The following CCR3 variants were observed in gnomAD, a reference collection of about 807,000 sequenced individuals.
CCR3 encodes C-C chemokine receptor type 3.
For synonymous variants in CCR3, 203 were observed against 179.2 expected, an observed-to-expected ratio of 1.13 and a Z score of -1.06; for missense variants, 419 against 437.5, an observed-to-expected ratio of 0.96 and a Z score of 0.38.
intron 1 of CCR3, among the ~76,000 whole-genome samples, chr3:46,244,555 C>T (rs113676185): frequency 0.096 from 14,555 of 151,962 alleles, 953 homozygotes; most frequent in Non-Finnish European, 0.14. Context: ...TGTTCTCTGG[C>T]GGGCAGGAGT....
intron 2 of CCR3, among the ~76,000 whole-genome samples, chr3:46,216,694 T>A (rs1699779227): frequency 6.6e-6 from 1 of 152,100 alleles, no homozygotes; most frequent in Admixed American, 6.5e-5. Context: ...GATGTTGGGG[T>A]CCTATCTTTT....
At chr3:46,243,002 TACGCACACAC>T (rs1700121398) in intron 1 of CCR3, among the ~76,000 whole-genome samples, 2 of 123,726 alleles carry the variant, frequency 1.6e-5, no homozygotes, top group African/African-American at 6.5e-5. Context: ...TATATATATA[TACGCACACAC>T]ACATACATTT....
At chr3:46,252,001 A>G (rs935314053) in intron 1 of CCR3, among the ~76,000 whole-genome samples, 2 of 152,088 alleles carry the variant, frequency 1.3e-5, no homozygotes, top group Admixed American at 6.6e-5. Flanking sequence ...ACTTCAGGAC[A>G]TCTGGGCATA....
chr3:46,228,949 A>G (rs368315266), intron 2 of CCR3, among the ~76,000 whole-genome samples: 3 of 152,326 alleles, frequency 2.0e-5, no homozygotes, highest in East Asian at 3.9e-4. Flanking sequence ...TATTATCAAA[A>G]ATGATAATGT....
At chr3:46,220,427 A>G (rs903062947) in intron 2 of CCR3, among the ~76,000 whole-genome samples, 4 of 152,224 alleles carry the variant, frequency 2.6e-5, no homozygotes, top group African/African-American at 9.6e-5. Flanking sequence ...TACAACCACT[A>G]TAGAAAACAG....
upstream of CCR3, among the ~76,000 whole-genome samples, chr3:46,238,201 T>C (rs1410581358): frequency 1.3e-5 from 2 of 152,228 alleles, no homozygotes; most frequent in Non-Finnish European, 1.5e-5. Flanking sequence ...CCACTAGCTC[T>C]GTATGAGAGT....
At chr3:46,241,790 T>C (rs146847663), upstream of CCR3, among the ~76,000 whole-genome samples, 3 of 152,234 alleles carry the variant, frequency 2.0e-5, no homozygotes, top group African/African-American at 7.2e-5. Flanking sequence ...TGCAGAATAA[T>C]TAGTTTATTC....
chr3:46,252,127 GC>G, intron 1 of CCR3, among the ~76,000 whole-genome samples: 1 of 149,618 alleles, frequency 6.7e-6, no homozygotes, highest in South Asian at 2.1e-4. Context: ...AATTGCAGTA[GC>G]CACATTTCAA....
intron 2 of CCR3, among the ~76,000 whole-genome samples, chr3:46,236,126 A>G (rs762081621): frequency 1.3e-5 from 2 of 152,184 alleles, no homozygotes; most frequent in Non-Finnish European, 2.9e-5. Flanking sequence ...CTGTGTGCCC[A>G]TGGCTCTGAC....
intron 1 of CCR3, among the ~76,000 whole-genome samples, chr3:46,246,750 A>G (rs938318790): frequency 4.6e-5 from 7 of 152,132 alleles, no homozygotes; most frequent in African/African-American, 1.7e-4. Context: ...TATTAATAAG[A>G]AAAATAAAAC....
intron 2 of CCR3, among the ~76,000 whole-genome samples, chr3:46,215,170 A>T (rs1007124367): frequency 6.6e-6 from 1 of 152,088 alleles, no homozygotes; most frequent in African/African-American, 2.4e-5. Context: ...CACTTATTAC[A>T]TCCAGTCTGA....
At chr3:46,249,908 G>A (rs1423820378) in intron 1 of CCR3, among the ~76,000 whole-genome samples, 2 of 152,084 alleles carry the variant, frequency 1.3e-5, no homozygotes, top group Non-Finnish European at 2.9e-5. Flanking sequence ...TTGAAGGTGA[G>A]GTTAATTAAG....
intron 1 of CCR3, among the ~76,000 whole-genome samples, chr3:46,246,898 G>A (rs946735671): frequency 4.6e-5 from 7 of 151,994 alleles, no homozygotes; most frequent in East Asian, 1.9e-4. Context: ...TTAAGCTGAA[G>A]GGAGGTCTTG....
At chr3:46,241,745 C>A (rs929285123), upstream of CCR3, among the ~76,000 whole-genome samples, 2 of 152,164 alleles carry the variant, frequency 1.3e-5, no homozygotes, top group Admixed American at 6.5e-5. Flanking sequence ...ACCTTTGCAG[C>A]CACATTTTGC....
intron 1 of CCR3, among the ~76,000 whole-genome samples, chr3:46,243,126 T>C (rs1455951260): frequency 6.6e-6 from 1 of 151,718 alleles, no homozygotes; most frequent in Non-Finnish European, 1.5e-5. Flanking sequence ...TAAAATGATG[T>C]AGTATTTGCT....
intron 1 of CCR3, among the ~76,000 whole-genome samples, chr3:46,261,220 T>C (rs1189560742): frequency 2.0e-5 from 3 of 152,178 alleles, no homozygotes; most frequent in Non-Finnish European, 2.9e-5. Flanking sequence ...GAGTAGATGA[T>C]CCTAAAGTTT....
At chr3:46,243,002 T>TATATATATACACAC (rs56773457) in intron 1 of CCR3, among the ~76,000 whole-genome samples, 1 of 123,724 alleles carries the variant, frequency 8.1e-6, no homozygotes, top group African/African-American at 3.3e-5. Context: ...TATATATATA[T>TATATATATACACAC]ACGCACACAC....
At chr3:46,215,479 T>C (rs907220284) in intron 2 of CCR3, among the ~76,000 whole-genome samples, 6 of 152,162 alleles carry the variant, frequency 3.9e-5, no homozygotes, top group Admixed American at 2.6e-4. Context: ...TGGACCCTGC[T>C]GTTCAAAGTG....
At chr3:46,211,037 T>A (rs573238186) in intron 2 of CCR3, 6 of 152,266 alleles carry the variant, frequency 3.9e-5, no homozygotes, top group Admixed American at 6.5e-5. Context: ...ATTGGAATTT[T>A]AATATGTTAA....
Sources: allele counts gnomAD v4.1 joint callset (sites outside exome capture counted in the v4.1 genomes callset), GRCh38; gene constraint gnomAD v4.1.1; transcripts MANE v1.5; gene names NCBI Gene and HGNC (gene_info 2026-07-23, HGNC 2026-07-21).